UBE2N: variants seen among roughly 807,000 people sequenced by gnomAD.
UBE2N encodes the protein ubiquitin-conjugating enzyme E2 N.
For synonymous variants in UBE2N, 70 were observed against 69.2 expected, an observed-to-expected ratio of 1.01 and a Z score of -0.06; for missense variants, 60 against 192.1, an observed-to-expected ratio of 0.31 and a Z score of 4.07.
At chr12:93,433,223 G>A (rs906688551) in intron 1 of UBE2N, among the ~76,000 whole-genome samples, 2 of 151,928 alleles carry the variant, frequency 1.3e-5, no homozygotes, top group African/African-American at 2.4e-5. Context: ...GTGAGCCACC[G>A]CGCCTGGCCA....
At chr12:93,417,181 C>T (rs1878243814) in intron 1 of UBE2N, among the ~76,000 whole-genome samples, 1 of 152,146 alleles carries the variant, frequency 6.6e-6, no homozygotes. Flanking sequence ...TTATAGAACG[C>T]ATACAATAGT....
At chr12:93,422,283 A>G (rs1317019460) in intron 1 of UBE2N, among the ~76,000 whole-genome samples, 1 of 152,218 alleles carries the variant, frequency 6.6e-6, no homozygotes, top group Non-Finnish European at 1.5e-5. Context: ...GATGAATGAC[A>G]TAACACTTCA....
intron 1 of UBE2N, among the ~76,000 whole-genome samples, chr12:93,425,814 G>C (rs544278606): frequency 1.3e-5 from 2 of 152,208 alleles, no homozygotes; most frequent in South Asian, 4.1e-4. Context: ...CACTTAAATG[G>C]ACCAATTACG....
chr12:93,408,995 A>T lies in UBE2N; in HGVS notation c.*1044T>A, dbSNP rs1459706037. 1 of 152,680 alleles carries T rather than the reference A, an allele frequency of 6.5e-6. No individual in the cohort carries two copies. The highest frequency in any genetic ancestry group is 2.4e-5 in the African/African-American group (1 of 41,464). 9.5% of individuals were successfully genotyped at this position (152,680 alleles called of 1,614,324 possible). On this transcript the variant is annotated 3_prime_UTR_variant, in exon 4 of 4. Coordinates refer to ENST00000318066, the MANE Select transcript of UBE2N (RefSeq NM_003348.4). ...ACTGTGAAAGTCCTACATGTCAGTC[A>T]CAACTGCTATCTTTGCTGTGACTTT...
rs1878154739 is a variant in UBE2N, at chr12:93,414,899, A to C, written c.31-3600T>G. On this transcript the variant is annotated intron_variant, in intron 1 of 3. Transcript: ENST00000318066. ...TTGAGTCTATTTTATGGACTGCTAT[A>C]TCCTCAGCATTTGGAACACTGCCTG... is the stretch of plus-strand genomic sequence containing the variant. Among the ~76,000 whole-genome samples the C allele has an allele frequency of 2.6e-5, 4 of 152,310 alleles. No homozygotes were observed. In the South Asian group the frequency reaches 8.3e-4, roughly 32 times the overall value.
At chr12:93,414,871 G>C (rs1878153730) in intron 1 of UBE2N, among the ~76,000 whole-genome samples, 1 of 152,190 alleles carries the variant, frequency 6.6e-6, no homozygotes, top group Non-Finnish European at 1.5e-5. Flanking sequence ...TGAGAGGATG[G>C]ATTTGAGTCT....
At chr12:93,419,907 T>C (rs377652260) in intron 1 of UBE2N, among the ~76,000 whole-genome samples, 7 of 152,206 alleles carry the variant, frequency 4.6e-5, no homozygotes, top group African/African-American at 1.7e-4. Context: ...CTTTCACCTC[T>C]TGTGCCTATC....
chr12:93,410,751 G>C lies in UBE2N; in HGVS notation c.401C>G (p.Ala134Gly), dbSNP rs1466055453. Reference protein sequence around the residue: ...DVAEQWKTNEAQAIETARAWT... With the variant: ...DVAEQWKTNEGQAIETARAWT... ...TTAGATACCTGTTTCTATGGCTTGG[G>C]CTTCGTTGGTCTTCCACTGCTCCGC... is the stretch of plus-strand genomic sequence containing the variant. Residue 134 changes from alanine to glycine, a missense_variant, in exon 3 of 4, where the codon GCC (alanine) becomes GGC (glycine). Physicochemically the swap from Ala to Gly is moderately conservative, Grantham distance 60 (BLOSUM62 0). Coordinates refer to ENST00000318066, the MANE Select transcript of UBE2N (RefSeq NM_003348.4). 1 of 1,614,044 alleles carries C rather than the reference G, an allele frequency of 6.2e-7. No homozygotes were observed. The highest frequency in any genetic ancestry group is 2.2e-5 in the East Asian group (1 of 44,904).
intron 1 of UBE2N, among the ~76,000 whole-genome samples, chr12:93,431,175 C>G (rs1249687838): frequency 2.0e-5 from 3 of 152,066 alleles, no homozygotes; most frequent in Admixed American, 2.0e-4. Flanking sequence ...TGCAGTGAGC[C>G]GAGATCGTGC....
chr12:93,411,420 G>A lies in UBE2N; in HGVS notation c.31-121C>T. 2.9e-6 allele frequency: 4 copies of A among 1,369,946 alleles called. 1 individual carries two copies. Among genetic ancestry groups the A allele is most frequent in the South Asian group, 1.7e-5 (1 of 58,130 alleles). 84.9% of individuals were successfully genotyped at this position (1,369,946 alleles called of 1,614,324 possible). A position where few individuals can be genotyped will look rare whatever the true frequency, so the allele number is the denominator to read the frequency against. On this transcript the variant is annotated intron_variant, in intron 1 of 3. Coordinates refer to ENST00000318066, the MANE Select transcript of UBE2N (RefSeq NM_003348.4). ...ATAGAACAGCTCCAATCTCCCAACA[G>A]ATTTAGCTTATAAAATGCAAAATTC...
rs1877952684 is a variant in UBE2N at position 93,409,007 on chromosome 12, T to C, written c.*1032A>G. The stretch of plus-strand genomic sequence containing the variant: ...CTACATGTCAGTCACAACTGCTATC[T>C]TTGCTGTGACTTTCCTGTACAGTAA... On this transcript the variant is annotated 3_prime_UTR_variant, in exon 4 of 4. Coordinates refer to ENST00000318066, the MANE Select transcript of UBE2N (RefSeq NM_003348.4). 1 of 152,682 alleles carries C rather than the reference T, an allele frequency of 6.5e-6. No individual in the cohort carries two copies. The highest frequency in any genetic ancestry group is 2.4e-5 in the African/African-American group (1 of 41,472). The allele number at this position is 152,682 out of a possible 1,614,324, so 9.5% of individuals were successfully genotyped here.
chr12:93,436,429 T>C (rs1878935787), intron 1 of UBE2N, among the ~76,000 whole-genome samples: 1 of 152,186 alleles, frequency 6.6e-6, no homozygotes. Context: ...GAAAAGACCA[T>C]TAAAGGAATG....
rs560162526 is a variant in UBE2N, at chr12:93,417,888, GCTC to G, written c.31-6592_31-6590del. 1.7e-3 allele frequency among the ~76,000 whole-genome samples: 258 copies of G among 152,128 alleles called. 2 individuals are homozygous for G. Among genetic ancestry groups the G allele is most frequent in the Non-Finnish European group, 2.9e-3 (200 of 67,988 alleles). On this transcript the variant is annotated intron_variant, in intron 1 of 3. Coordinates refer to ENST00000318066, the MANE Select transcript of UBE2N (RefSeq NM_003348.4). ...AAAATTTGTAAGATAAAACAAACGGGCTCCTTTTTTGGGATCACTAATAAAGCA... is the reference window on the plus strand; with the variant it reads ...AAAATTTGTAAGATAAAACAAACGGGCTTTTTTGGGATCACTAATAAAGCA...
At chr12:93,421,293 C>T (rs985123450) in intron 1 of UBE2N, among the ~76,000 whole-genome samples, 1 of 152,042 alleles carries the variant, frequency 6.6e-6, no homozygotes, top group Non-Finnish European at 1.5e-5. Flanking sequence ...GCTCCACCTC[C>T]CGGGTTCACA....
At chr12:93,435,731 A>G (rs1047853999) in intron 1 of UBE2N, among the ~76,000 whole-genome samples, 3 of 152,218 alleles carry the variant, frequency 2.0e-5, no homozygotes, top group Admixed American at 6.5e-5. Context: ...GTAACAGGAA[A>G]AAATGTGTGT....
intron 1 of UBE2N, among the ~76,000 whole-genome samples, chr12:93,422,042 G>A (rs1185870948): frequency 6.6e-6 from 1 of 152,108 alleles, no homozygotes; most frequent in Non-Finnish European, 1.5e-5. Context: ...TATTTCTAAA[G>A]ACATTTTTAA....
intron 1 of UBE2N, among the ~76,000 whole-genome samples, chr12:93,416,779 C>T (rs1365110957): frequency 6.8e-6 from 1 of 147,454 alleles, no homozygotes; most frequent in Non-Finnish European, 1.5e-5. Context: ...CTTTGGGAGG[C>T]TGAGGCAGGC....
rs778351486 is a variant in UBE2N, at chr12:93,411,042, A to G, written c.277+11T>C. ...TTAATAATAGCATATGCTGATAAAG[A>G]TAACACTTACCTTTCAAAATATCTA... On this transcript the variant is annotated intron_variant, in intron 2 of 3. Coordinates refer to ENST00000318066, the MANE Select transcript of UBE2N (RefSeq NM_003348.4). The G allele has an allele frequency of 1.1e-5, 17 of 1,613,968 alleles. No homozygotes were observed. The highest frequency in any genetic ancestry group is 1.6e-4 in the Middle Eastern group (1 of 6,084).
At position 93,409,158 on chromosome 12, in the gene UBE2N, T is replaced by G. The variant is rs924176621; in HGVS notation, c.*881A>C. ...TGCTTTATGCATGCTCAGGGCCAGT[T>G]TATAAATACTCCATTCAGTACTATC... On this transcript the variant is annotated 3_prime_UTR_variant, in exon 4 of 4. Coordinates refer to ENST00000318066, the MANE Select transcript of UBE2N (RefSeq NM_003348.4). 2.0e-5 allele frequency: 3 copies of G among 152,742 alleles called. No homozygotes were observed. Among genetic ancestry groups the G allele is most frequent in the Admixed American group, 2.0e-4 (3 of 15,300 alleles). The allele number at this position is 152,742 out of a possible 1,614,324, so 9.5% of individuals were successfully genotyped here.
Sources: gnomAD v4.1 joint callset for allele counts (sites outside exome capture counted in the v4.1 genomes callset) on GRCh38, gnomAD v4.1.1 for gene constraint, MANE v1.5 for transcripts, NCBI Gene and HGNC (gene_info 2026-07-23, HGNC 2026-07-21) for gene names.